Variants in HS2ST1 observed in about 807,000 individuals in gnomAD.
HS2ST1 encodes the protein heparan sulfate 2-O-sulfotransferase 1.
A neutral mutation model predicts 42.9 loss-of-function variants in HS2ST1; 18 were observed. That is an observed-to-expected ratio of 0.42 (90% CI 0.29 to 0.62). The LOEUF is 0.62. Ranked by LOEUF, HS2ST1 falls within the 20% of genes least tolerant of loss-of-function variation. The probability of loss-of-function intolerance (pLI) is 0.21; values close to 1 mark genes in which losing one functional copy is unlikely to be tolerated. For missense variants in HS2ST1, 334 were observed against 433.8 expected, an observed-to-expected ratio of 0.77 and a Z score of 2.04; for synonymous variants, 146 against 152.9, an observed-to-expected ratio of 0.95 and a Z score of 0.33.
At chr1:87,009,542 C>G (rs1445180703) in intron 1 of HS2ST1, among the ~76,000 whole-genome samples, 1 of 152,228 alleles carries the variant, frequency 6.6e-6, no homozygotes, top group East Asian at 1.9e-4. Context: ...GGACATCTCT[C>G]TCACTCCCCA....
chr1:86,915,291 G>A, intron 1 of HS2ST1, 131 bp downstream of exon 1: 2 of 1,019,670 alleles, frequency 2.0e-6, no homozygotes, highest in Non-Finnish European at 2.8e-6. Flanking sequence ...AGAGAACCGG[G>A]AACAAGGGGC....
intron 1 of HS2ST1, among the ~76,000 whole-genome samples, chr1:87,018,606 G>C (rs752976677): frequency 6.6e-6 from 1 of 152,124 alleles, no homozygotes; most frequent in African/African-American, 2.4e-5. Flanking sequence ...TTTTCATGAC[G>C]CTCTAAAGGA....
chr1:86,985,553 T>TACACAC (rs71082055), intron 1 of HS2ST1, among the ~76,000 whole-genome samples: 1,673 of 36,876 alleles, frequency 0.045, 146 homozygotes, highest in East Asian at 0.083. Context: ...CACATATATA[T>TACACAC]ACACACACAC....
chr1:87,072,328 GTTT>G (rs1187519695), intron 1 of HS2ST1, among the ~76,000 whole-genome samples: 2 of 152,074 alleles, frequency 1.3e-5, no homozygotes, highest in African/African-American at 2.4e-5. Context: ...TCCTGTTACA[GTTT>G]TTTAATTTAT....
intron 1 of HS2ST1, among the ~76,000 whole-genome samples, chr1:86,917,969 CAAT>C (rs1316431934): frequency 6.6e-6 from 1 of 152,126 alleles, no homozygotes; most frequent in East Asian, 1.9e-4. Context: ...TGCAAAATCA[CAAT>C]GTTAAAAAAG....
intron 1 of HS2ST1, among the ~76,000 whole-genome samples, chr1:87,061,309 C>T (rs1340921643): frequency 6.6e-6 from 1 of 152,042 alleles, no homozygotes; most frequent in Non-Finnish European, 1.5e-5. Flanking sequence ...GCATTTGGAA[C>T]ATTCACAATA....
rs939847067 is a variant in HS2ST1, at chr1:87,109,397, G to A, written c.*4701G>A. ...TGCTTTTGCTTTGTACTTCATTGCT[G>A]GTAATAAAATTTCAGATGGAAAACT... is the stretch of plus-strand genomic sequence containing the variant. On this transcript the variant is annotated 3_prime_UTR_variant, in exon 7 of 7. Coordinates refer to ENST00000370550, the MANE Select transcript of HS2ST1 (RefSeq NM_012262.4). The A allele has an allele frequency of 2.6e-5, 4 of 151,630 alleles. No individual in the cohort carries two copies. The highest frequency in any genetic ancestry group is 6.6e-5 in the Admixed American group (1 of 15,192). 9.4% of individuals were successfully genotyped at this position (151,630 alleles called of 1,614,324 possible).
At chr1:87,034,325 A>C (rs1393338867) in intron 1 of HS2ST1, among the ~76,000 whole-genome samples, 3 of 152,200 alleles carry the variant, frequency 2.0e-5, no homozygotes, top group African/African-American at 7.2e-5. Flanking sequence ...AAGCAGTTGA[A>C]GTCTCCCCAA....
At chr1:86,985,964 C>G (rs540053763) in intron 1 of HS2ST1, among the ~76,000 whole-genome samples, 1 of 151,222 alleles carries the variant, frequency 6.6e-6, no homozygotes, top group South Asian at 2.1e-4. Flanking sequence ...TATAAAATCA[C>G]CTAAATTGTG....
At chr1:87,013,535 C>A (rs1025370840) in intron 1 of HS2ST1, among the ~76,000 whole-genome samples, 29 of 152,366 alleles carry the variant, frequency 1.9e-4, no homozygotes, top group Non-Finnish European at 1.9e-4. Context: ...GAGGGGCTGC[C>A]ATGAAGACAT....
rs1413099470 is a variant in HS2ST1 at position 86,985,383 on chromosome 1, T to TATATATATATATACACACACAC, written c.124+70224_124+70225insTATATATATATACACACACACA. ...AAAAAAAAAAGTATATATATATATA[T>TATATATATATATACACACACAC]ACACACACACACACACATATATATA... On this transcript the variant is annotated intron_variant, in intron 1 of 6. Coordinates refer to ENST00000370550, the MANE Select transcript of HS2ST1 (RefSeq NM_012262.4). Among the ~76,000 whole-genome samples, 23 of 44,744 alleles carry TATATATATATATACACACACAC rather than the reference T, an allele frequency of 5.1e-4. 1 individual carries two copies. The highest frequency in any genetic ancestry group is 1.1e-3 in the African/African-American group (21 of 19,718). The allele number at this position is 44,744 out of a possible 152,430, so 29.4% of individuals were successfully genotyped here. A position where few individuals can be genotyped will look rare whatever the true frequency, so the allele number is the denominator to read the frequency against.
chr1:86,937,408 C>T (rs1225738316), intron 1 of HS2ST1, among the ~76,000 whole-genome samples: 1 of 152,060 alleles, frequency 6.6e-6, no homozygotes. Context: ...GTATAGTTAG[C>T]TTTTTGAAGA....
intron 1 of HS2ST1, among the ~76,000 whole-genome samples, chr1:86,947,713 T>C (rs142197336): frequency 1.4e-3 from 214 of 152,244 alleles, no homozygotes; most frequent in African/African-American, 5.1e-3. Flanking sequence ...AGATTGTGCA[T>C]TCATTTATTC....
chr1:87,063,190 G>A lies in HS2ST1; in HGVS notation c.125-9744G>A, dbSNP rs565392920. Among the ~76,000 whole-genome samples, 4 of 152,000 alleles carry A rather than the reference G, an allele frequency of 2.6e-5. No individual in the cohort carries two copies. In the South Asian group the frequency reaches 8.3e-4, roughly 32 times the overall value. On this transcript the variant is annotated intron_variant, in intron 1 of 6. Transcript: ENST00000370550. ...GTTTCTTGAGCTCTTGTTTGTTTTT[G>A]TTTCTCCTTTTCTTGGTCTGTTTTC...
chr1:86,970,501 A>G lies in HS2ST1; in HGVS notation c.124+55341A>G, dbSNP rs1035125624. ...CTGCAGCCTCCACCTCCCGGGTTCA[A>G]GTGATTGTTGTGCCTCAGCCTCCCA... is the stretch of plus-strand genomic sequence containing the variant. On this transcript the variant is annotated intron_variant, in intron 1 of 6. Transcript: ENST00000370550. 6.6e-5 allele frequency among the ~76,000 whole-genome samples: 10 copies of G among 152,054 alleles called. 1 individual carries two copies. The highest frequency in any genetic ancestry group is 6.6e-4 in the Admixed American group (10 of 15,266).
intron 1 of HS2ST1, among the ~76,000 whole-genome samples, chr1:87,000,405 CA>C (rs906686731): frequency 6.6e-6 from 1 of 152,020 alleles, no homozygotes; most frequent in African/African-American, 2.4e-5. Context: ...TATTTCTTAC[CA>C]AAAAGTATGT....
intron 1 of HS2ST1, among the ~76,000 whole-genome samples, chr1:87,011,387 T>G (rs1394686466): frequency 6.6e-6 from 1 of 151,974 alleles, no homozygotes; most frequent in Non-Finnish European, 1.5e-5. Flanking sequence ...GGACCACAGG[T>G]GCACACCACC....
intron 1 of HS2ST1, among the ~76,000 whole-genome samples, chr1:87,057,365 T>C (rs1312598275): frequency 2.0e-5 from 3 of 152,176 alleles, no homozygotes; most frequent in Admixed American, 1.3e-4. Flanking sequence ...ATTCCTAATA[T>C]GGTGATTAAG....
chr1:87,057,160 T>A (rs965770477), intron 1 of HS2ST1, among the ~76,000 whole-genome samples: 16 of 152,230 alleles, frequency 1.1e-4, no homozygotes, highest in African/African-American at 3.4e-4. Flanking sequence ...CAAAATCATG[T>A]CATTTATGCT....
Sources: gnomAD v4.1 joint callset for allele counts (sites outside exome capture counted in the v4.1 genomes callset) on GRCh38, gnomAD v4.1.1 for gene constraint, MANE v1.5 for transcripts, NCBI Gene and HGNC (gene_info 2026-07-23, HGNC 2026-07-21) for gene names.